VPS8: variants seen among roughly 807,000 people sequenced by gnomAD.
VPS8 encodes vacuolar protein sorting-associated protein 8 homolog.
VPS8 carries 129 observed loss-of-function variants against 216.4 expected under a neutral mutation model. The ratio of observed to expected loss-of-function variants is 0.60; its 90% CI spans 0.52 to 0.69. The LOEUF (loss-of-function observed/expected upper bound fraction) is 0.69, where lower values mean the gene tolerates loss of function less well. Ranked by LOEUF, VPS8 falls within the 30% of genes least tolerant of loss-of-function variation. VPS8 has a pLI of 0.00. For synonymous variants in VPS8, 571 were observed against 565.4 expected, an observed-to-expected ratio of 1.01 and a Z score of -0.14; for missense variants, 1,531 against 1,683.5, an observed-to-expected ratio of 0.91 and a Z score of 1.59.
intron 46 of VPS8, among the ~76,000 whole-genome samples, chr3:185,026,802 G>A (rs1757432137): frequency 6.7e-6 from 1 of 149,016 alleles, no homozygotes; most frequent in Non-Finnish European, 1.5e-5. Flanking sequence ...TCCGCCTCCT[G>A]GGTTCAAGCG....
At chr3:185,031,993 A>C (rs1021602917) in intron 46 of VPS8, among the ~76,000 whole-genome samples, 34 of 152,160 alleles carry the variant, frequency 2.2e-4, no homozygotes, top group African/African-American at 6.3e-4. Context: ...ATGAAACCCT[A>C]TCTCTACTAA....
At chr3:184,859,900 A>G in intron 14 of VPS8, 85 bp from the exon 15 acceptor site, 1 of 921,672 alleles carries the variant, frequency 1.1e-6, no homozygotes, top group Non-Finnish European at 1.7e-6. Flanking sequence ...GGTAAATGTG[A>G]TACTCTAGGT....
At chr3:184,862,686 A>G (rs746056238) in intron 15 of VPS8, among the ~76,000 whole-genome samples, 6 of 152,252 alleles carry the variant, frequency 3.9e-5, no homozygotes, top group Non-Finnish European at 7.3e-5. Context: ...TGAAAGTGTC[A>G]TTTTAACATT....
At chr3:185,032,414 G>A (rs1758301079) in intron 46 of VPS8, among the ~76,000 whole-genome samples, 1 of 152,096 alleles carries the variant, frequency 6.6e-6, no homozygotes, top group African/African-American at 2.4e-5. Context: ...TTCATAAGAT[G>A]GGGTGGGTAA....
intron 45 of VPS8, 67 bp downstream of exon 45, chr3:184,999,928 C>T (rs915744200): frequency 3.3e-6 from 5 of 1,495,624 alleles, no homozygotes; most frequent in Non-Finnish European, 4.5e-6. Flanking sequence ...GGCCTGGTCT[C>T]ATTTCCTTCG....
intron 40 of VPS8, 79 bp downstream of exon 40, chr3:184,971,831 T>C: frequency 8.4e-7 from 1 of 1,194,524 alleles, no homozygotes; most frequent in Non-Finnish European, 1.2e-6. Flanking sequence ...TCCCAGCACT[T>C]TGGGAGGCCG....
intron 35 of VPS8, among the ~76,000 whole-genome samples, chr3:184,938,798 C>CG (rs1403595950): frequency 1.3e-5 from 2 of 151,678 alleles, no homozygotes; most frequent in East Asian, 3.9e-4. Context: ...AAGGCCCAGG[C>CG]GGGCAGATCG....
At chr3:184,860,580 CCTG>C (rs1347183166) in intron 15 of VPS8, among the ~76,000 whole-genome samples, 1 of 151,742 alleles carries the variant, frequency 6.6e-6, no homozygotes, top group African/African-American at 2.4e-5. Context: ...CAGTCTATGT[CCTG>C]CTGAACACAG....
At chr3:184,836,488 C>A (rs1360457203) in intron 5 of VPS8, among the ~76,000 whole-genome samples, 1 of 152,294 alleles carries the variant, frequency 6.6e-6, no homozygotes, top group East Asian at 1.9e-4. Context: ...AAGGAGTTCT[C>A]CTTCCCCTTG....
At chr3:184,847,429 A>G (rs1226928007) in intron 8 of VPS8, among the ~76,000 whole-genome samples, 1 of 152,222 alleles carries the variant, frequency 6.6e-6, no homozygotes, top group East Asian at 1.9e-4. Flanking sequence ...GATGATTGTC[A>G]GATGCCTTCT....
At position 184,928,433 on chromosome 3, in the gene VPS8, T is replaced by G; in HGVS notation, c.2632-18T>G. ...GTAAATTCTCAAGTGTTTTTACTCA[T>G]TTATTGTAAATACTCAGGTCCTTTT... On this transcript the variant is annotated intron_variant, in intron 31 of 47. Transcript: ENST00000625842. The G allele has an allele frequency of 6.5e-7, 1 of 1,531,050 alleles. No homozygotes were observed. Among genetic ancestry groups the G allele is most frequent in the East Asian group, 2.6e-5 (1 of 39,114 alleles). The allele number at this position is 1,531,050 out of a possible 1,614,324, so 94.8% of individuals were successfully genotyped here.
chr3:184,906,936 C>T lies in VPS8; in HGVS notation c.2146+5964C>T, dbSNP rs536224510. On this transcript the variant is annotated intron_variant, in intron 25 of 47. Coordinates refer to ENST00000625842, the MANE Select transcript of VPS8 (RefSeq NM_001009921.3). ...ATAATATCAGAGTAGAGCCTGTTAA[C>T]TCAAAATATCTTTAACCTGTTAAAG... Among the ~76,000 whole-genome samples, 99 of 152,264 alleles carry T rather than the reference C, an allele frequency of 6.5e-4. No individual in the cohort carries two copies. The Middle Eastern group carries it at 0.014, about 21-fold the overall frequency.
chr3:185,014,699 C>G (rs756428670), intron 45 of VPS8, among the ~76,000 whole-genome samples: 3 of 152,122 alleles, frequency 2.0e-5, no homozygotes, highest in Non-Finnish European at 4.4e-5. Context: ...GTTTCTCCCC[C>G]CTTTTTTGTT....
In VPS8 at chr3:184,928,553, T is replaced by C; in HGVS notation, c.2714+20T>C. 6.9e-7 allele frequency: 1 copy of C among 1,441,178 alleles called. No individual in the cohort carries two copies. Among genetic ancestry groups the C allele is most frequent in the East Asian group, 2.7e-5 (1 of 37,052 alleles). The allele number at this position is 1,441,178 out of a possible 1,614,324, so 89.3% of individuals were successfully genotyped here. A position where few individuals can be genotyped will look rare whatever the true frequency, so the allele number is the denominator to read the frequency against. ...TGAGTTGTAAGTTGTTTTGAGGCTGTATATTAGTTTGCCATAGAAATATTA... is the reference window on the plus strand; with the variant it reads ...TGAGTTGTAAGTTGTTTTGAGGCTGCATATTAGTTTGCCATAGAAATATTA... On this transcript the variant is annotated intron_variant, in intron 32 of 47. Transcript: ENST00000625842.
intron 31 of VPS8, among the ~76,000 whole-genome samples, chr3:184,927,955 AT>A (rs756911191): frequency 5.3e-5 from 8 of 152,292 alleles, no homozygotes; most frequent in Middle Eastern, 3.4e-3. Flanking sequence ...CATTTTGTTT[AT>A]TCATTCATCC....
chr3:185,031,089 T>TTTTTTTA, intron 46 of VPS8, among the ~76,000 whole-genome samples: 1 of 149,164 alleles, frequency 6.7e-6, no homozygotes, highest in Non-Finnish European at 1.5e-5. Context: ...TTTTTTTTTT[T>TTTTTTTA]TTAAGGGAAA....
At chr3:184,815,339 A>C (rs1026818823) in intron 1 of VPS8, among the ~76,000 whole-genome samples, 1 of 152,212 alleles carries the variant, frequency 6.6e-6, no homozygotes, top group Non-Finnish European at 1.5e-5. Context: ...AGGTCTGTTT[A>C]CATCAGCATC....
At chr3:184,913,487 A>G in intron 25 of VPS8, 32 bp from the exon 26 acceptor site, 1 of 1,552,424 alleles carries the variant, frequency 6.4e-7, no homozygotes, top group Non-Finnish European at 8.7e-7. Flanking sequence ...TTTGAGAGAA[A>G]ATTGCTGAAG....
chr3:185,048,955 CA>C (rs1282274535), intron 47 of VPS8, among the ~76,000 whole-genome samples: 16 of 152,200 alleles, frequency 1.1e-4, no homozygotes, highest in Admixed American at 6.5e-5. Context: ...CCATGAAAGA[CA>C]AATGCAAAGT....
Sources: gnomAD v4.1 joint callset for allele counts (sites outside exome capture counted in the v4.1 genomes callset) on GRCh38, gnomAD v4.1.1 for gene constraint, MANE v1.5 for transcripts, NCBI Gene and HGNC (gene_info 2026-07-23, HGNC 2026-07-21) for gene names.